STXBP3: variants seen among roughly 807,000 people sequenced by gnomAD.
The protein encoded by STXBP3 is syntaxin-binding protein 3.
A neutral mutation model predicts 85.7 loss-of-function variants in STXBP3; 41 were observed. That is an observed-to-expected ratio of 0.48 (90% confidence interval 0.37 to 0.62). The LOEUF (loss-of-function observed/expected upper bound fraction) is 0.62, where lower values mean the gene tolerates loss of function less well. Ranked by LOEUF, STXBP3 falls within the 20% of genes least tolerant of loss-of-function variation. The pLI, the probability that STXBP3 is intolerant of heterozygous loss-of-function variation, is 0.00. For synonymous variants in STXBP3, 229 were observed against 231.7 expected (o/e 0.99, Z 0.10); for missense variants, 563 against 703.1 (o/e 0.80, Z 2.25).
Position 108,796,744 on chromosome 1 carries a change from G to A in STXBP3, c.1356+18G>A, listed in dbSNP as rs752776354. 6 of 1,595,814 alleles carry A rather than the reference G, an allele frequency of 3.8e-6. No homozygotes were observed. Among genetic ancestry groups the A allele is most frequent in the Non-Finnish European group, 5.1e-6 (6 of 1,167,432 alleles). ...TTCCCCAAGTAAGAAGTCTTATGTTGTGTATATACTTTATATGTATGTGTA... is the reference window on the plus strand; with the variant it reads ...TTCCCCAAGTAAGAAGTCTTATGTTATGTATATACTTTATATGTATGTGTA... On this transcript the variant is annotated intron_variant, in intron 15 of 18. Coordinates refer to ENST00000370008, the MANE Select transcript of STXBP3 (RefSeq NM_007269.4).
chr1:108,809,510 T>C lies in STXBP3; in HGVS notation c.*633T>C, dbSNP rs1242720297. ...TGAACATTCTAAGAGAAAATAAATA[T>C]AGAATTTAAAAAATTATTCTGGTTT... On this transcript the variant is annotated 3_prime_UTR_variant, in exon 19 of 19. Coordinates refer to ENST00000370008, the MANE Select transcript of STXBP3 (RefSeq NM_007269.4). 1 of 152,194 alleles carries C rather than the reference T, an allele frequency of 6.6e-6. No homozygotes were observed. The highest frequency in any genetic ancestry group is 2.4e-5 in the African/African-American group (1 of 41,446). 9.4% of individuals were successfully genotyped at this position (152,194 alleles called of 1,614,324 possible). A position where few individuals can be genotyped will look rare whatever the true frequency, so the allele number is the denominator to read the frequency against.
chr1:108,792,339 T>G (rs1011757048), intron 11 of STXBP3, among the ~76,000 whole-genome samples: 1 of 152,194 alleles, frequency 6.6e-6, no homozygotes, highest in East Asian at 1.9e-4. Context: ...TTTGGGAGTT[T>G]CTTTGTTTTT....
intron 1 of STXBP3, among the ~76,000 whole-genome samples, chr1:108,750,879 T>C (rs556029994): frequency 6.6e-6 from 1 of 152,308 alleles, no homozygotes; most frequent in Non-Finnish European, 1.5e-5. Flanking sequence ...CTTAACTTAC[T>C]ATTACCAGTT....
At chr1:108,760,264 A>C (rs1041808064) in intron 6 of STXBP3, among the ~76,000 whole-genome samples, 179 bp downstream of exon 6, 3 of 152,198 alleles carry the variant, frequency 2.0e-5, no homozygotes, top group Non-Finnish European at 1.5e-5. Flanking sequence ...ATTGGAATTA[A>C]AAATGAATAG....
chr1:108,753,332 AT>A (rs200081043), intron 3 of STXBP3, 188 bp downstream of exon 3: 11 of 299,468 alleles, frequency 3.7e-5, no homozygotes, highest in Non-Finnish European at 5.7e-5. Context: ...GAGACATATA[AT>A]TAAGACCTCT....
At position 108,801,661 on chromosome 1, in the gene STXBP3, T is replaced by TA. The variant is rs1434890105; in HGVS notation, c.1535+1356_1535+1357insA. On this transcript the variant is annotated intron_variant, in intron 17 of 18. Coordinates refer to ENST00000370008, the MANE Select transcript of STXBP3 (RefSeq NM_007269.4). ...TAAGTCTCCCTCCTTTTTTTAATTTTTTTTTTTTTTTTAAATAGAGGCAAG... is the reference window on the plus strand; with the variant it reads ...TAAGTCTCCCTCCTTTTTTTAATTTTATTTTTTTTTTTTAAATAGAGGCAAG... Among the ~76,000 whole-genome samples the TA allele has an allele frequency of 1.1e-3, 166 of 151,672 alleles. 4 individuals carry two copies. In the East Asian group the frequency reaches 0.028, roughly 26 times the overall value.
At chr1:108,756,659 G>A in intron 3 of STXBP3, 31 bp from the exon 4 acceptor site, 2 of 1,294,320 alleles carry the variant, frequency 1.5e-6, no homozygotes, top group African/African-American at 3.0e-5. Flanking sequence ...ATAAATATTT[G>A]GTTATATAAA....
In STXBP3 at chr1:108,765,403, A is replaced by G. The variant is rs532186696; in HGVS notation, c.438+5318A>G. Among the ~76,000 whole-genome samples the G allele has an allele frequency of 1.5e-4, 23 of 152,290 alleles. No individual in the cohort carries two copies. In the East Asian group the frequency reaches 4.4e-3, roughly 29 times the overall value. On this transcript the variant is annotated intron_variant, in intron 6 of 18. Coordinates refer to ENST00000370008, the MANE Select transcript of STXBP3 (RefSeq NM_007269.4). The stretch of plus-strand genomic sequence containing the variant: ...CAGAAGAAAAATAATTTTTGGTGCC[A>G]TGTGGCTTGTCCTTATCTCCAGCAA...
At chr1:108,801,730 A>G (rs557807910) in intron 17 of STXBP3, among the ~76,000 whole-genome samples, 7 of 151,278 alleles carry the variant, frequency 4.6e-5, no homozygotes, top group African/African-American at 1.7e-4. Context: ...GTGCAGTGGC[A>G]TGATCGTAGC....
At chr1:108,772,936 T>C (rs1662500846) in intron 7 of STXBP3, 117 bp downstream of exon 7, 2 of 939,296 alleles carry the variant, frequency 2.1e-6, no homozygotes, top group African/African-American at 3.5e-5. Context: ...TTTGTATGAT[T>C]ACCATGCTCT....
At chr1:108,748,570 G>A (rs1411105887) in intron 1 of STXBP3, among the ~76,000 whole-genome samples, 1 of 151,672 alleles carries the variant, frequency 6.6e-6, no homozygotes, top group East Asian at 1.9e-4. Flanking sequence ...AGTGGCTCAC[G>A]CCTGTAATTA....
At chr1:108,752,948 A>C (rs920011327) in intron 2 of STXBP3, 115 bp from the exon 3 acceptor site, 2 of 660,188 alleles carry the variant, frequency 3.0e-6, no homozygotes, top group African/African-American at 3.7e-5. Flanking sequence ...CATTTTGCCT[A>C]CTGTTCTGAT....
chr1:108,806,392 T>A, intron 17 of STXBP3, among the ~76,000 whole-genome samples: 1 of 152,132 alleles, frequency 6.6e-6, no homozygotes, highest in Non-Finnish European at 1.5e-5. Flanking sequence ...GGCTACTATA[T>A]GGGATTCTGG....
chr1:108,778,365 T>G (rs1662632062), intron 8 of STXBP3, among the ~76,000 whole-genome samples: 1 of 152,170 alleles, frequency 6.6e-6, no homozygotes, highest in South Asian at 2.1e-4. Flanking sequence ...GTTTAGTGAT[T>G]AGTGATGTTT....
chr1:108,747,714 G>C (rs188763798), intron 1 of STXBP3, among the ~76,000 whole-genome samples: 1 of 152,324 alleles, frequency 6.6e-6, no homozygotes, highest in Non-Finnish European at 1.5e-5. Flanking sequence ...AATTCTGGGA[G>C]TTAGAGTTCC....
intron 18 of STXBP3, 131 bp downstream of exon 18, chr1:108,807,680 G>A (rs1663373200): frequency 2.1e-5 from 18 of 865,170 alleles, no homozygotes; most frequent in East Asian, 5.8e-5. Context: ...AGGTTCAAGC[G>A]ATTCTTCTGC....
chr1:108,762,655 T>C (rs1470194274), intron 6 of STXBP3, among the ~76,000 whole-genome samples: 1 of 152,200 alleles, frequency 6.6e-6, no homozygotes, highest in Non-Finnish European at 1.5e-5. Flanking sequence ...TATTCAGTTA[T>C]TCCATTTTTT....
intron 1 of STXBP3, among the ~76,000 whole-genome samples, chr1:108,747,242 A>C (rs1429602492): frequency 1.5e-5 from 2 of 130,094 alleles, no homozygotes; most frequent in Admixed American, 7.4e-5. Flanking sequence ...AGGACTGTTT[A>C]TTCTGCTTAT....
intron 13 of STXBP3, among the ~76,000 whole-genome samples, chr1:108,795,375 C>T (rs1051243170): frequency 5.3e-5 from 8 of 151,748 alleles, no homozygotes; most frequent in African/African-American, 1.7e-4. Flanking sequence ...ATTAATTTTA[C>T]GAATAAGTTG....
Sources: gnomAD v4.1 joint callset for allele counts (sites outside exome capture counted in the v4.1 genomes callset) on GRCh38, gnomAD v4.1.1 for gene constraint, MANE v1.5 for transcripts, NCBI Gene and HGNC (gene_info 2026-07-23, HGNC 2026-07-21) for gene names.